The following ZNF568 variants were observed in gnomAD, a reference collection of about 807,000 sequenced individuals.
The protein encoded by ZNF568 is p53 inhibitor of SCO2 activation.
A neutral mutation model predicts 18.1 loss-of-function variants in ZNF568; 11 were observed. The observed-to-expected ratio is 0.61, with a 90% CI of 0.38 to 1.00. The LOEUF is 1.00. Among genes scored for constraint, ZNF568 ranks in the 50% least tolerant of loss-of-function variants. The pLI is 0.01. For missense variants in ZNF568, 639 were observed against 768.2 expected, an observed-to-expected ratio of 0.83 and a Z score of 1.99; for synonymous variants, 213 against 246.6, an observed-to-expected ratio of 0.86 and a Z score of 1.28.
At chr19:36,947,337 G>T (rs2073984343) in intron 6 of ZNF568, among the ~76,000 whole-genome samples, 1 of 152,020 alleles carries the variant, frequency 6.6e-6, no homozygotes, top group African/African-American at 2.4e-5. Context: ...TTTGTGTGGG[G>T]CCCCAAATGC....
downstream of ZNF568, among the ~76,000 whole-genome samples, chr19:36,955,759 G>T (rs1417241715): frequency 3.3e-5 from 5 of 151,988 alleles, no homozygotes; most frequent in East Asian, 9.6e-4. Context: ...CACAGCAGTA[G>T]AAATTGATAG....
chr19:36,974,648 C>T (rs2074265654), intron 7 of ZNF568, among the ~76,000 whole-genome samples: 1 of 152,074 alleles, frequency 6.6e-6, no homozygotes, highest in Non-Finnish European at 1.5e-5. Flanking sequence ...CAAACATTGT[C>T]TCATCTGATC....
At chr19:36,929,200 T>A (rs2073638503) in intron 4 of ZNF568, among the ~76,000 whole-genome samples, 1 of 152,180 alleles carries the variant, frequency 6.6e-6, no homozygotes, top group African/African-American at 2.4e-5. Context: ...ATTCCCTCAC[T>A]GTAAACTTTG....
intron 2 of ZNF568, among the ~76,000 whole-genome samples, chr19:36,989,027 G>C (rs542017105): frequency 6.6e-6 from 1 of 152,138 alleles, no homozygotes; most frequent in African/African-American, 2.4e-5. Flanking sequence ...GGTAACTACT[G>C]TTCTGCTCTC....
chr19:36,992,828 A>G (rs962274114), intron 4 of ZNF568, among the ~76,000 whole-genome samples: 1 of 152,186 alleles, frequency 6.6e-6, no homozygotes. Context: ...CTAAGCAACT[A>G]CTGATCACTT....
At chr19:36,957,888 A>G (rs2074119814) in intron 6 of ZNF568, among the ~76,000 whole-genome samples, 1 of 152,202 alleles carries the variant, frequency 6.6e-6, no homozygotes, top group African/African-American at 2.4e-5. Flanking sequence ...TTTAAGATTC[A>G]GATTTTGAAG....
rs147685537 is a variant in ZNF568 at position 36,994,186 on chromosome 19, G to A, written c.230-2131G>A. On this transcript the variant is annotated intron_variant, in intron 4 of 4. Coordinates refer to the ZNF568 transcript ENST00000433993. ...TAACACGTTGGTTATTTAGGAGTAT[G>A]TTATTTAATTTTCACGTTTGTGAAT... Among the ~76,000 whole-genome samples, 353 of 152,014 alleles carry A rather than the reference G, an allele frequency of 2.3e-3. 2 individuals are homozygous for A. Among genetic ancestry groups the A allele is most frequent in the African/African-American group, 8.3e-3 (346 of 41,490 alleles).
chr19:36,953,047 C>T (rs924847041), downstream of ZNF568, among the ~76,000 whole-genome samples: 1 of 152,162 alleles, frequency 6.6e-6, no homozygotes, highest in African/African-American at 2.4e-5. Flanking sequence ...ATTTGAAAAT[C>T]AGATGCCAGT....
At chr19:36,943,719 G>A (rs1009755322) in intron 6 of ZNF568, among the ~76,000 whole-genome samples, 12 of 152,012 alleles carry the variant, frequency 7.9e-5, no homozygotes, top group African/African-American at 2.9e-4. Flanking sequence ...GATTAAAGGT[G>A]TGCGCCACCA....
exon 8 of ZNF568, chr19:36,979,474 T>C (rs1271628770): frequency 2.0e-5 from 3 of 152,218 alleles, no homozygotes; most frequent in African/African-American, 7.2e-5. Flanking sequence ...GAATCTTGTG[T>C]TTGGCATTTC....
intron 6 of ZNF568, among the ~76,000 whole-genome samples, chr19:36,971,414 AT>A (rs960514428): frequency 2.6e-5 from 4 of 151,912 alleles, no homozygotes; most frequent in African/African-American, 2.4e-5. Context: ...ATACTTAAGA[AT>A]TTTTTTTAAT....
chr19:36,965,704 C>A (rs2074188934), intron 6 of ZNF568, among the ~76,000 whole-genome samples: 1 of 119,698 alleles, frequency 8.4e-6, no homozygotes, highest in Non-Finnish European at 1.7e-5. Context: ...TGATCAAGGA[C>A]TTTTTTTTTT....
intron 2 of ZNF568, among the ~76,000 whole-genome samples, chr19:36,987,101 A>G (rs558838137): frequency 3.3e-5 from 5 of 152,346 alleles, no homozygotes; most frequent in Admixed American, 2.6e-4. Context: ...TATGTAAGGC[A>G]CCAGGAACTT....
intron 4 of ZNF568, among the ~76,000 whole-genome samples, chr19:36,934,826 T>C (rs1478799303): frequency 6.6e-6 from 1 of 152,186 alleles, no homozygotes; most frequent in East Asian, 1.9e-4. Flanking sequence ...AGAATATTGT[T>C]TAATTTTTAC....
At chr19:36,946,307 A>C (rs1204721971) in intron 6 of ZNF568, among the ~76,000 whole-genome samples, 1 of 152,082 alleles carries the variant, frequency 6.6e-6, no homozygotes, top group Non-Finnish European at 1.5e-5. Context: ...TTCTTCTGGA[A>C]TATAGATACA....
chr19:36,963,010 G>C (rs905985207), intron 6 of ZNF568, among the ~76,000 whole-genome samples: 1 of 152,036 alleles, frequency 6.6e-6, no homozygotes, highest in Non-Finnish European at 1.5e-5. Context: ...TCTGTATCTG[G>C]ATGTCTGAAT....
intron 6 of ZNF568, among the ~76,000 whole-genome samples, chr19:36,962,238 T>C (rs990047782): frequency 6.6e-6 from 1 of 150,542 alleles, no homozygotes; most frequent in African/African-American, 2.4e-5. Context: ...CAGTGAGTTT[T>C]ATAGTTTACC....
chr19:36,945,894 C>T (rs1437982583), intron 6 of ZNF568, among the ~76,000 whole-genome samples: 1 of 151,606 alleles, frequency 6.6e-6, no homozygotes, highest in African/African-American at 2.4e-5. Flanking sequence ...AAGATAAAGA[C>T]CATCCTGGCC....
chr19:36,945,210 A>T (rs1387678452), intron 6 of ZNF568, among the ~76,000 whole-genome samples: 2 of 141,958 alleles, frequency 1.4e-5, no homozygotes, highest in African/African-American at 2.6e-5. Context: ...CAGAGAGAGA[A>T]GTGTGTGTGT....
Sources: allele counts gnomAD v4.1 joint callset (sites outside exome capture counted in the v4.1 genomes callset), GRCh38; gene constraint gnomAD v4.1.1; transcripts MANE v1.5; gene names NCBI Gene and HGNC (gene_info 2026-07-23, HGNC 2026-07-21).